The following RB1 variants were observed in gnomAD, a reference collection of about 807,000 sequenced individuals.
The protein encoded by RB1 is retinoblastoma-associated protein.
In RB1, 18 loss-of-function variants were observed where a neutral mutation model predicts 135.4. That is an observed-to-expected ratio of 0.13 (90% confidence interval 0.09 to 0.20). The LOEUF (loss-of-function observed/expected upper bound fraction) is 0.20, where lower values mean the gene tolerates loss of function less well. Ranked by LOEUF, RB1 falls within the 10% of genes least tolerant of loss-of-function variation. RB1 has a pLI of 1.00. For missense variants in RB1, 868 were observed against 1,110.0 expected, an observed-to-expected ratio of 0.78 and a Z score of 3.10; for synonymous variants, 365 against 373.2, an observed-to-expected ratio of 0.98 and a Z score of 0.25.
At chr13:48,473,128 G>A (rs1222951403) in intron 23 of RB1, among the ~76,000 whole-genome samples, 1 of 152,150 alleles carries the variant, frequency 6.6e-6, no homozygotes, top group Non-Finnish European at 1.5e-5. Flanking sequence ...GGCAGAATAT[G>A]TTCTTGCAGA....
intron 17 of RB1, among the ~76,000 whole-genome samples, chr13:48,405,098 A>G (rs1207971384): frequency 1.3e-5 from 2 of 152,206 alleles, no homozygotes; most frequent in Admixed American, 1.3e-4. Context: ...AAGGGAAATC[A>G]TAAGACCTAA....
chr13:48,430,096 T>C (rs1949114138), intron 17 of RB1, among the ~76,000 whole-genome samples: 1 of 152,210 alleles, frequency 6.6e-6, no homozygotes, highest in Non-Finnish European at 1.5e-5. Context: ...CCTCCTAATT[T>C]GCATTCTCCA....
chr13:48,346,613 A>G (rs1256837690), intron 4 of RB1, among the ~76,000 whole-genome samples: 3 of 151,988 alleles, frequency 2.0e-5, no homozygotes, highest in Non-Finnish European at 4.4e-5. Flanking sequence ...GAAGTTAAAC[A>G]ATACATATTA....
chr13:48,457,135 A>C (rs1371049695), intron 19 of RB1, among the ~76,000 whole-genome samples: 9 of 152,080 alleles, frequency 5.9e-5, no homozygotes, highest in South Asian at 2.1e-4. Flanking sequence ...CAAGATGAAG[A>C]GGAGATTTAT....
chr13:48,409,570 ATTTTTTTTTTTTT>A (rs5803435), intron 17 of RB1, among the ~76,000 whole-genome samples: 1 of 59,668 alleles, frequency 1.7e-5, no homozygotes, highest in African/African-American at 6.5e-5. Flanking sequence ...GAACTGCTTG[ATTTTTTTTTTTTT>A]TTTTTTTTTT....
chr13:48,431,749 G>C (rs979392335), intron 17 of RB1, among the ~76,000 whole-genome samples: 1 of 152,152 alleles, frequency 6.6e-6, no homozygotes, highest in Non-Finnish European at 1.5e-5. Flanking sequence ...TGTTGTTTTA[G>C]TTAAACAGAA....
chr13:48,397,311 G>A (rs1458198302), intron 17 of RB1, among the ~76,000 whole-genome samples: 1 of 152,128 alleles, frequency 6.6e-6, no homozygotes, highest in East Asian at 1.9e-4. Context: ...ACACTATGCA[G>A]CCATAAAAAA....
At position 48,463,592 on chromosome 13, in the gene RB1, A is replaced by G. The variant is rs1949418535; in HGVS notation, c.2107-139A>G. On this transcript the variant is annotated intron_variant, in intron 20 of 26. Transcript: ENST00000267163. ...GTTAAACACTTCATGTAGACTTTCA[A>G]ACTGAGCTCAGTATGGAAAGAAATA... is the stretch of plus-strand genomic sequence containing the variant. 4.7e-6 allele frequency: 3 copies of G among 641,976 alleles called. No individual in the cohort carries two copies. In the South Asian group the frequency reaches 5.6e-5, roughly 12 times the overall value. 39.8% of individuals were successfully genotyped at this position (641,976 alleles called of 1,614,324 possible).
intron 17 of RB1, among the ~76,000 whole-genome samples, chr13:48,451,665 A>C (rs1374074159): frequency 6.6e-6 from 1 of 151,466 alleles, no homozygotes; most frequent in East Asian, 1.9e-4. Flanking sequence ...CCTTCCTTTC[A>C]ATTTTTTAGA....
chr13:48,311,735 C>T (rs551185109), intron 2 of RB1, among the ~76,000 whole-genome samples: 1 of 152,182 alleles, frequency 6.6e-6, no homozygotes, highest in East Asian at 1.9e-4. Context: ...GAGATGGAGT[C>T]TTGCTCTGTC....
intron 17 of RB1, among the ~76,000 whole-genome samples, chr13:48,410,209 G>A (rs770343635): frequency 3.9e-5 from 6 of 152,118 alleles, no homozygotes; most frequent in African/African-American, 7.2e-5. Context: ...GTCAATGACC[G>A]CATAAACGAT....
chr13:48,332,974 G>A, intron 2 of RB1: 1 of 398,166 alleles, frequency 2.5e-6, no homozygotes, highest in Non-Finnish European at 4.4e-6. Context: ...ACAAGATGCT[G>A]TAATAAAAAG....
chr13:48,313,575 A>G (rs2138043284), intron 2 of RB1, among the ~76,000 whole-genome samples: 1 of 148,072 alleles, frequency 6.8e-6, no homozygotes, highest in East Asian at 2.0e-4. Context: ...GAAGAGGTCT[A>G]ACTCCAGTCT....
intron 17 of RB1, among the ~76,000 whole-genome samples, chr13:48,420,487 T>G (rs1319535949): frequency 6.6e-6 from 1 of 152,202 alleles, no homozygotes; most frequent in Non-Finnish European, 1.5e-5. Flanking sequence ...AAGACAAGGA[T>G]GCCCTCTCTC....
chr13:48,411,672 A>C, intron 17 of RB1: 1 of 1,610,836 alleles, frequency 6.2e-7, no homozygotes, highest in Non-Finnish European at 8.5e-7. Flanking sequence ...AAGAGAATAT[A>C]AAATAAGATT....
chr13:48,370,192 G>A (rs977868789), intron 11 of RB1, among the ~76,000 whole-genome samples: 5 of 152,102 alleles, frequency 3.3e-5, no homozygotes, highest in Non-Finnish European at 7.4e-5. Context: ...ATGTTCAAAG[G>A]GCTGGAATTG....
intron 24 of RB1, among the ~76,000 whole-genome samples, chr13:48,474,475 C>T (rs1290724790): frequency 6.6e-6 from 1 of 152,180 alleles, no homozygotes; most frequent in East Asian, 1.9e-4. Context: ...TATGTATGTA[C>T]ATAACCTCAC....
chr13:48,319,789 A>G lies in RB1; in HGVS notation c.264+12383A>G, dbSNP rs1566179222. 5 of 292,992 alleles carry G rather than the reference A, an allele frequency of 1.7e-5. No homozygotes were observed. The highest frequency in any genetic ancestry group is 2.1e-5 in the Non-Finnish European group (3 of 144,860). The allele number at this position is 292,992 out of a possible 1,614,324, so 18.1% of individuals were successfully genotyped here. A position where few individuals can be genotyped will look rare whatever the true frequency, so the allele number is the denominator to read the frequency against. On this transcript the variant is annotated intron_variant, in intron 2 of 26. Transcript: ENST00000267163. This position sits in a 1 kb window ranked among gnomAD's most constrained non-coding sequence, Gnocchi z 5.0. ...GGTCGCATGCTATCTCTTCTCATTC[A>G]GAAGCTGTTCTATTTCCGCCTTAAT... is the stretch of plus-strand genomic sequence containing the variant.
At chr13:48,343,426 A>G (rs1427758545) in intron 3 of RB1, among the ~76,000 whole-genome samples, 1 of 152,196 alleles carries the variant, frequency 6.6e-6, no homozygotes, top group East Asian at 1.9e-4. Context: ...TTTAAACGAG[A>G]TAGATTAAAT....
Sources: gnomAD v4.1 joint callset for allele counts (sites outside exome capture counted in the v4.1 genomes callset) on GRCh38, gnomAD v4.1.1 for gene constraint, Gnocchi (gnomAD v3.1) non-coding constraint, MANE v1.5 for transcripts, NCBI Gene and HGNC (gene_info 2026-07-23, HGNC 2026-07-21) for gene names.